The following AFG2A variants were observed in gnomAD, a reference collection of about 807,000 sequenced individuals.
AFG2A encodes the protein AAA ATPase AFG2A.
the AFG2A span, among the ~76,000 whole-genome samples, chr4:123,125,723 G>C: frequency 6.6e-6 from 1 of 152,056 alleles, no homozygotes; most frequent in Non-Finnish European, 1.5e-5. Flanking sequence ...TTTTATTTCA[G>C]TGGAATTTAA....
At chr4:123,104,776 C>T in the AFG2A span, among the ~76,000 whole-genome samples, 1 of 152,122 alleles carries the variant, frequency 6.6e-6, no homozygotes, top group Admixed American at 6.5e-5. Flanking sequence ...AGAGCAAAGC[C>T]CTAATGCTCT....
At chr4:122,991,842 A>T in the AFG2A span, among the ~76,000 whole-genome samples, 11 of 152,212 alleles carry the variant, frequency 7.2e-5, no homozygotes, top group Non-Finnish European at 1.6e-4. Flanking sequence ...GTAATAATGG[A>T]TGATTGATGT....
chr4:123,123,191 G>A, the AFG2A span, among the ~76,000 whole-genome samples: 69,416 of 151,998 alleles, frequency 0.46, 19,394 homozygotes, highest in Non-Finnish European at 0.61. Context: ...AGATCCACAG[G>A]CAACCAACAC....
At chr4:123,177,105 G>T in the AFG2A span, among the ~76,000 whole-genome samples, 1 of 151,632 alleles carries the variant, frequency 6.6e-6, no homozygotes, top group African/African-American at 2.4e-5. Flanking sequence ...TTAAGGAAAA[G>T]ATTTCTTCAT....
chr4:123,088,882 TTTATAAC>T, the AFG2A span, among the ~76,000 whole-genome samples: 4 of 152,218 alleles, frequency 2.6e-5, no homozygotes, highest in Admixed American at 6.5e-5. Flanking sequence ...TCAGTAGTTC[TTTATAAC>T]AGTGTGAGAA....
At chr4:123,280,658 T>C in the AFG2A span, among the ~76,000 whole-genome samples, 1 of 152,214 alleles carries the variant, frequency 6.6e-6, no homozygotes. Flanking sequence ...TCAAGTATCC[T>C]TCTGTTTCTG....
chr4:122,934,513 A>G, the AFG2A span: 1 of 1,614,232 alleles, frequency 6.2e-7, no homozygotes, highest in Non-Finnish European at 8.5e-7. Flanking sequence ...TGAAGAAGAG[A>G]GACTGCTAAA....
the AFG2A span, among the ~76,000 whole-genome samples, chr4:123,173,392 G>T: frequency 9.5e-6 from 1 of 105,746 alleles, no homozygotes; most frequent in East Asian, 3.3e-4. Flanking sequence ...TTCTCACCCT[G>T]TCACCCAGGC....
chr4:123,309,840 C>T, the AFG2A span, among the ~76,000 whole-genome samples: 47 of 152,306 alleles, frequency 3.1e-4, no homozygotes, highest in South Asian at 7.0e-3. Flanking sequence ...ATAAGGAATA[C>T]TCAACCTGTA....
the AFG2A span, among the ~76,000 whole-genome samples, chr4:123,196,168 T>TTTTTTTC: frequency 1.9e-4 from 1 of 5,390 alleles, no homozygotes; most frequent in Non-Finnish European, 3.8e-4. Flanking sequence ...GCCCAGCTAA[T>TTTTTTTC]TTTTTTTTTT....
chr4:123,068,511 T>G, the AFG2A span, among the ~76,000 whole-genome samples: 1 of 152,306 alleles, frequency 6.6e-6, no homozygotes, highest in African/African-American at 2.4e-5. Flanking sequence ...TTTCTAAATA[T>G]GAATATTTTA....
At chr4:123,083,498 A>G in the AFG2A span, among the ~76,000 whole-genome samples, 3 of 151,944 alleles carry the variant, frequency 2.0e-5, no homozygotes, top group Admixed American at 6.6e-5. Context: ...AATGTTTTCA[A>G]GTGTTAAACT....
the AFG2A span, chr4:123,315,469 C>G: frequency 6.6e-6 from 1 of 150,670 alleles, no homozygotes; most frequent in Non-Finnish European, 1.5e-5. Context: ...GCTGGGATTA[C>G]AGGCATGAGC....
chr4:123,218,023 G>A, the AFG2A span, among the ~76,000 whole-genome samples: 1 of 152,172 alleles, frequency 6.6e-6, no homozygotes, highest in Non-Finnish European at 1.5e-5. Flanking sequence ...GTAAGTATTC[G>A]AGAAAGTTTG....
chr4:123,176,870 A>AGG, the AFG2A span, among the ~76,000 whole-genome samples: 1 of 152,120 alleles, frequency 6.6e-6, no homozygotes, highest in Admixed American at 6.5e-5. Context: ...AGGAGGAGGA[A>AGG]TACCTTCTTT....
the AFG2A span, among the ~76,000 whole-genome samples, chr4:123,240,410 G>A: frequency 6.6e-6 from 1 of 152,074 alleles, no homozygotes; most frequent in African/African-American, 2.4e-5. Context: ...TGTAAAAACA[G>A]GAATCACAAC....
At chr4:123,028,292 A>G in the AFG2A span, 1 of 1,614,176 alleles carries the variant, frequency 6.2e-7, no homozygotes, top group Non-Finnish European at 8.5e-7. Flanking sequence ...ATGGGTATTC[A>G]GCCACCTAAA....
the AFG2A span, among the ~76,000 whole-genome samples, chr4:123,310,574 T>C: frequency 1.3e-5 from 2 of 152,036 alleles, no homozygotes; most frequent in East Asian, 1.9e-4. Context: ...TCTAATACCA[T>C]GGTACACACG....
chr4:122,932,095 C>T, the AFG2A span, among the ~76,000 whole-genome samples: 6 of 151,550 alleles, frequency 4.0e-5, no homozygotes, highest in Non-Finnish European at 5.9e-5. Flanking sequence ...GGTGAAACAC[C>T]GCCTCTACAA....
Sources: gnomAD v4.1 joint callset for allele counts (sites outside exome capture counted in the v4.1 genomes callset) on GRCh38, gnomAD v4.1.1 for gene constraint, MANE v1.5 for transcripts, NCBI Gene and HGNC (gene_info 2026-07-23, HGNC 2026-07-21) for gene names.